The following LDAH variants were observed in gnomAD, a reference collection of about 807,000 sequenced individuals.
The protein encoded by LDAH is lipid droplet-associated hydrolase.
LDAH carries 26 observed loss-of-function variants against 29.6 expected under a neutral mutation model. That is an observed-to-expected ratio of 0.88 (90% CI 0.64 to 1.22). The LOEUF is 1.22. Among genes scored for constraint, LDAH ranks in the 50% most tolerant of loss-of-function variants. The pLI is 0.00. For missense variants in LDAH, 344 were observed against 387.3 expected (o/e 0.89, Z 0.94); for synonymous variants, 117 against 133.0 (o/e 0.88, Z 0.83).
At chr2:20,808,635 G>C (rs537878386) in intron 1 of LDAH, among the ~76,000 whole-genome samples, 51 of 148,948 alleles carry the variant, frequency 3.4e-4, no homozygotes, top group Non-Finnish European at 5.8e-4. Flanking sequence ...TCCAGCCTGC[G>C]CGATAGAGAG....
Position 20,760,885 on chromosome 2 carries a change from T to C in LDAH, c.468+13925A>G, listed in dbSNP as rs187117414. ...ATCCACTTATGGAGGGGATTACGTG[T>C]AGGAATGAACATTAGGAGGTGAGGA... is the stretch of plus-strand genomic sequence containing the variant. On this transcript the variant is annotated intron_variant, in intron 4 of 6. Transcript: ENST00000237822. Among the ~76,000 whole-genome samples, 34 of 152,348 alleles carry C rather than the reference T, an allele frequency of 2.2e-4. No individual in the cohort carries two copies. The East Asian group carries it at 5.6e-3, about 25-fold the overall frequency.
At chr2:20,735,741 C>T (rs568952351) in intron 5 of LDAH, among the ~76,000 whole-genome samples, 10 of 152,054 alleles carry the variant, frequency 6.6e-5, no homozygotes, top group Admixed American at 5.9e-4. Context: ...ACTATGGCCA[C>T]GTAGGGTAGA....
intron 5 of LDAH, among the ~76,000 whole-genome samples, chr2:20,731,815 T>C (rs1168786793): frequency 3.9e-5 from 6 of 152,036 alleles, no homozygotes; most frequent in African/African-American, 1.4e-4. Context: ...TCAAAGTTTG[T>C]TTTTGGTAGA....
At chr2:20,819,369 C>A (rs961368795) in intron 1 of LDAH, among the ~76,000 whole-genome samples, 2 of 152,136 alleles carry the variant, frequency 1.3e-5, no homozygotes, top group Non-Finnish European at 2.9e-5. Flanking sequence ...CTTAAAGTGA[C>A]TTCAGAATTA....
intron 5 of LDAH, among the ~76,000 whole-genome samples, chr2:20,708,618 T>C (rs1664477968): frequency 6.6e-6 from 1 of 152,080 alleles, no homozygotes; most frequent in Non-Finnish European, 1.5e-5. Flanking sequence ...CTTGGACAAG[T>C]GGATATACAT....
chr2:20,785,214 T>C (rs1041503386), intron 3 of LDAH, among the ~76,000 whole-genome samples: 5 of 152,232 alleles, frequency 3.3e-5, no homozygotes, highest in African/African-American at 1.2e-4. Context: ...GAACTTCTTT[T>C]AATATTTCTT....
chr2:20,757,774 A>G (rs1572561474), intron 4 of LDAH, among the ~76,000 whole-genome samples: 1 of 151,390 alleles, frequency 6.6e-6, no homozygotes, highest in Non-Finnish European at 1.5e-5. Flanking sequence ...CTGCCTGACC[A>G]CCTTCAAGCT....
At chr2:20,707,564 A>G (rs1028684672) in intron 5 of LDAH, among the ~76,000 whole-genome samples, 1 of 152,248 alleles carries the variant, frequency 6.6e-6, no homozygotes, top group South Asian at 2.1e-4. Flanking sequence ...AGAAGGAGAA[A>G]GCTGTAGTGA....
chr2:20,779,359 C>A lies in LDAH; in HGVS notation c.299-4380G>T, dbSNP rs1054348046. Reference sequence around the variant, plus strand: ...ATACTAGGGCTGTTGAGGGGTGGGGCGGTGAGGGGAGGGAACTTACAGGAC... The same window carrying A: ...ATACTAGGGCTGTTGAGGGGTGGGGAGGTGAGGGGAGGGAACTTACAGGAC... On this transcript the variant is annotated intron_variant, in intron 3 of 6. Transcript: ENST00000237822. 2.0e-5 allele frequency among the ~76,000 whole-genome samples: 3 copies of A among 150,260 alleles called. No individual in the cohort carries two copies. The East Asian group carries it at 6.0e-4, about 30-fold the overall frequency.
chr2:20,709,561 T>C (rs1234444988), intron 5 of LDAH, among the ~76,000 whole-genome samples: 2 of 152,148 alleles, frequency 1.3e-5, no homozygotes, highest in Admixed American at 6.5e-5. Flanking sequence ...TTGTTAGAAT[T>C]ATAAACTGGT....
intron 5 of LDAH, among the ~76,000 whole-genome samples, chr2:20,732,730 T>C (rs1181757081): frequency 6.6e-6 from 1 of 152,168 alleles, no homozygotes; most frequent in African/African-American, 2.4e-5. Flanking sequence ...TATGGTGATA[T>C]TTTCTATTTC....
rs1668347352 is a variant in LDAH at position 20,756,427 on chromosome 2, T to A, written c.469-16222A>T. Among the ~76,000 whole-genome samples, 4 of 152,156 alleles carry A rather than the reference T, an allele frequency of 2.6e-5. No homozygotes were observed. The South Asian group carries it at 8.3e-4, about 32-fold the overall frequency. Reference sequence around the variant, plus strand: ...ACAAGAGACAGATCAGTACTTTTTTTAAAAGCATGAAGAAAGGAATTCAGA... The same window carrying A: ...ACAAGAGACAGATCAGTACTTTTTTAAAAAGCATGAAGAAAGGAATTCAGA... On this transcript the variant is annotated intron_variant, in intron 4 of 6. Transcript: ENST00000237822.
chr2:20,815,076 T>C (rs1672759439), intron 1 of LDAH, among the ~76,000 whole-genome samples: 1 of 152,148 alleles, frequency 6.6e-6, no homozygotes, highest in South Asian at 2.1e-4. Flanking sequence ...AAAGTAGCTC[T>C]CCTTGAAGGA....
At chr2:20,737,655 C>A (rs536683122) in intron 5 of LDAH, among the ~76,000 whole-genome samples, 3 of 152,198 alleles carry the variant, frequency 2.0e-5, no homozygotes, top group African/African-American at 7.2e-5. Flanking sequence ...TAGGGCAGAA[C>A]CAAAATGAGA....
At chr2:20,760,335 C>G (rs1160884279) in intron 4 of LDAH, among the ~76,000 whole-genome samples, 1 of 152,198 alleles carries the variant, frequency 6.6e-6, no homozygotes, top group Non-Finnish European at 1.5e-5. Context: ...GTTGCTATTA[C>G]CCTTTTACTT....
rs1188281021 is a variant in LDAH at position 20,695,423 on chromosome 2, T to C, written c.786+6147A>G. Among the ~76,000 whole-genome samples, 7 of 152,278 alleles carry C rather than the reference T, an allele frequency of 4.6e-5. No individual in the cohort carries two copies. In the East Asian group the frequency reaches 7.7e-4, roughly 17 times the overall value. ...TTTGTAATAGTAATAAAAACATTTATTGAATGCTTAGTGCATTCCAGACAC... is the reference window on the plus strand; with the variant it reads ...TTTGTAATAGTAATAAAAACATTTACTGAATGCTTAGTGCATTCCAGACAC... On this transcript the variant is annotated intron_variant, in intron 6 of 6. Transcript: ENST00000237822.
intron 1 of LDAH, among the ~76,000 whole-genome samples, chr2:20,818,215 CA>C (rs1431138816): frequency 1.3e-5 from 2 of 152,110 alleles, no homozygotes; most frequent in Non-Finnish European, 2.9e-5. Context: ...GAAGGGTACA[CA>C]AGGACTTCCC....
intron 5 of LDAH, among the ~76,000 whole-genome samples, chr2:20,727,337 C>A (rs1666091556): frequency 6.6e-6 from 1 of 152,140 alleles, no homozygotes; most frequent in South Asian, 2.1e-4. Flanking sequence ...AAAAATTATT[C>A]TGGGATTGAG....
At position 20,740,202 on chromosome 2, in the gene LDAH, T is replaced by C. The variant is rs1391464893; in HGVS notation, c.472A>G (p.Ile158Val). Reference protein sequence around the residue: ...MLKRVPELPVIRAFLLFPTIE... With the variant: ...MLKRVPELPVVRAFLLFPTIE... ...GTTGGAAAGAGCAGAAAGGCACGAA[T>C]TACCTGCAATAAAGAAGCATACTTT... Residue 158 changes from isoleucine to valine, a missense_variant, in exon 5 of 7, where the codon ATT (isoleucine) becomes GTT (valine). Transcript: ENST00000237822. 1.2e-6 allele frequency: 2 copies of C among 1,607,258 alleles called. No homozygotes were observed.
Sources: gnomAD v4.1 joint callset for allele counts (sites outside exome capture counted in the v4.1 genomes callset) on GRCh38, gnomAD v4.1.1 for gene constraint, MANE v1.5 for transcripts, NCBI Gene and HGNC (gene_info 2026-07-23, HGNC 2026-07-21) for gene names.